The following ZNF248 variants were observed in gnomAD, a reference collection of about 807,000 sequenced individuals.
ZNF248 encodes the protein KRAB protein domain.
ZNF248 carries 20 observed loss-of-function variants against 44.3 expected under a neutral mutation model. The ratio of observed to expected loss-of-function variants is 0.45; its 90% CI spans 0.32 to 0.66. The LOEUF is 0.66. Ranked by LOEUF, ZNF248 falls within the 30% of genes least tolerant of loss-of-function variation. The pLI, the probability that ZNF248 is intolerant of heterozygous loss-of-function variation, is 0.04. For synonymous variants in ZNF248, 224 were observed against 229.0 expected, an observed-to-expected ratio of 0.98 and a Z score of 0.20; for missense variants, 654 against 677.0, an observed-to-expected ratio of 0.97 and a Z score of 0.38.
At chr10:37,800,703 CCA>C (rs546458733) in intron 6 of ZNF248, among the ~76,000 whole-genome samples, 185 of 152,188 alleles carry the variant, frequency 1.2e-3, no homozygotes, top group African/African-American at 4.1e-3. Flanking sequence ...AAACTGCTTT[CCA>C]CAGTGGCTGA....
chr10:37,764,647 C>T, the ZNF248 span, among the ~76,000 whole-genome samples: 1 of 152,056 alleles, frequency 6.6e-6, no homozygotes. Flanking sequence ...GTACTCTTTC[C>T]CTTTATTTCT....
Position 37,837,614 on chromosome 10 carries a change from C to T in ZNF248, c.238+3G>A. 1 of 1,613,072 alleles carries T rather than the reference C, an allele frequency of 6.2e-7. No homozygotes were observed. The highest frequency in any genetic ancestry group is 8.5e-7 in the Non-Finnish European group (1 of 1,179,430). ...TTTCATCTGCCAGAAATCACTAACT[C>T]ACCTGGGTGGCACTGGCTTGGGAAT... On this transcript the variant is annotated splice_donor_region_variant and intron_variant, in intron 5 of 5. Transcript: ENST00000395867.
chr10:37,855,003 G>C (rs1182267405), intron 3 of ZNF248, among the ~76,000 whole-genome samples: 1 of 152,204 alleles, frequency 6.6e-6, no homozygotes, highest in African/African-American at 2.4e-5. Flanking sequence ...ATGTTAAAAA[G>C]ATGCCAGGAA....
At chr10:37,814,502 G>A (rs1300790622) in intron 6 of ZNF248, among the ~76,000 whole-genome samples, 2 of 152,160 alleles carry the variant, frequency 1.3e-5, no homozygotes, top group Non-Finnish European at 2.9e-5. Flanking sequence ...TATGGCATTA[G>A]TTTCTGTCTA....
chr10:37,778,304 TC>T (rs1227471065), intron 6 of ZNF248, among the ~76,000 whole-genome samples: 2 of 152,226 alleles, frequency 1.3e-5, no homozygotes, highest in African/African-American at 4.8e-5. Context: ...GAGCATTTTT[TC>T]ATGTGTTTTT....
intron 6 of ZNF248, chr10:37,820,908 A>G (rs1356993746): frequency 1.3e-6 from 2 of 1,505,742 alleles, no homozygotes; most frequent in Non-Finnish European, 1.8e-6. Context: ...TTTCCTTACT[A>G]ATACCTACTC....
intron 6 of ZNF248, among the ~76,000 whole-genome samples, chr10:37,788,084 C>T (rs975776762): frequency 1.5e-4 from 22 of 150,592 alleles, no homozygotes; most frequent in Non-Finnish European, 1.5e-5. Context: ...GCCTGGCCAA[C>T]ATGGTAAAAC....
chr10:37,768,451 C>A, the ZNF248 span, among the ~76,000 whole-genome samples: 1 of 152,180 alleles, frequency 6.6e-6, no homozygotes, highest in African/African-American at 2.4e-5. Context: ...CAAACTAGAA[C>A]TCAGGACTAA....
intron 3 of ZNF248, among the ~76,000 whole-genome samples, chr10:37,844,341 C>T (rs1318570254): frequency 6.6e-6 from 1 of 152,094 alleles, no homozygotes; most frequent in East Asian, 1.9e-4. Flanking sequence ...ATAAACCCTG[C>T]CCTACAGAAA....
At chr10:37,792,426 A>G (rs1360041285) in intron 6 of ZNF248, among the ~76,000 whole-genome samples, 1 of 152,228 alleles carries the variant, frequency 6.6e-6, no homozygotes, top group Non-Finnish European at 1.5e-5. Context: ...TTGGAAGACT[A>G]GAAATAATAT....
chr10:37,815,289 C>G (rs1012561467), intron 6 of ZNF248, among the ~76,000 whole-genome samples: 2 of 152,026 alleles, frequency 1.3e-5, no homozygotes, highest in Admixed American at 6.6e-5. Flanking sequence ...AGTCTCAACT[C>G]CTAACCTCAG....
chr10:37,826,890 A>C (rs1259281761), downstream of ZNF248, among the ~76,000 whole-genome samples: 3 of 152,200 alleles, frequency 2.0e-5, no homozygotes, highest in Non-Finnish European at 4.4e-5. Context: ...GTGTATTATA[A>C]ATTCTCTACA....
intron 3 of ZNF248, among the ~76,000 whole-genome samples, chr10:37,854,517 T>C (rs978921418): frequency 6.6e-6 from 1 of 152,222 alleles, no homozygotes; most frequent in Admixed American, 6.5e-5. Flanking sequence ...ATGCAAACTA[T>C]ATGAAATACC....
intron 2 of ZNF248, 34 bp downstream of exon 2, chr10:37,856,401 C>T (rs966005721): frequency 2.4e-5 from 39 of 1,597,782 alleles, no homozygotes; most frequent in Non-Finnish European, 2.8e-5. Context: ...CGGAGATTCA[C>T]CTGCCTATAC....
intron 5 of ZNF248, among the ~76,000 whole-genome samples, chr10:37,837,380 T>C (rs544739059): frequency 6.6e-6 from 1 of 152,320 alleles, no homozygotes; most frequent in South Asian, 2.1e-4. Context: ...CCCAAAGTGC[T>C]GGGATTACAG....
At chr10:37,828,642 A>G (rs9417264), downstream of ZNF248, 138,326 of 975,658 alleles carry the variant, frequency 0.14, 10,028 homozygotes, top group Admixed American at 0.2. Flanking sequence ...GACATGTTCT[A>G]TTACTAGAAG....
chr10:37,831,470 GA>G lies in ZNF248; in HGVS notation c.*144del. ...TTCCCCTCAGTACAAATTTTCTAAT[GA>G]AAAGTTTTAATTTTTCTTGAAAGCT... is the stretch of plus-strand genomic sequence containing the variant. On this transcript the variant is annotated 3_prime_UTR_variant, in exon 6 of 6. Coordinates refer to ENST00000395867, the MANE Select transcript of ZNF248 (RefSeq NM_021045.3). The G allele has an allele frequency of 6.9e-7, 1 of 1,457,854 alleles. No individual in the cohort carries two copies. Among genetic ancestry groups the G allele is most frequent in the Non-Finnish European group, 9.0e-7 (1 of 1,107,026 alleles). The allele number at this position is 1,457,854 out of a possible 1,614,324, so 90.3% of individuals were successfully genotyped here.
At chr10:37,776,617 G>A (rs537485346) in intron 6 of ZNF248, 2 of 397,788 alleles carry the variant, frequency 5.0e-6, no homozygotes, top group African/African-American at 4.1e-5. Flanking sequence ...TTCACTCAGG[G>A]TTCCAAATCT....
At chr10:37,824,751 G>A (rs1483329014), downstream of ZNF248, among the ~76,000 whole-genome samples, 2 of 132,430 alleles carry the variant, frequency 1.5e-5, no homozygotes, top group Non-Finnish European at 3.1e-5. Context: ...GCGCGATCTC[G>A]GCTCACTGCA....
Sources: gnomAD v4.1 joint callset for allele counts (sites outside exome capture counted in the v4.1 genomes callset) on GRCh38, gnomAD v4.1.1 for gene constraint, MANE v1.5 for transcripts, NCBI Gene and HGNC (gene_info 2026-07-23, HGNC 2026-07-21) for gene names.